MAF: variants seen among roughly 807,000 people sequenced by gnomAD.
The protein encoded by MAF is transcription factor Maf.
In MAF, 10 loss-of-function variants were observed where a neutral mutation model predicts 22.0. That is an observed-to-expected ratio of 0.45 (90% confidence interval 0.28 to 0.77). MAF has a LOEUF of 0.77. Ranked by LOEUF, MAF falls within the 30% of genes least tolerant of loss-of-function variation. The pLI, the probability that MAF is intolerant of heterozygous loss-of-function variation, is 0.12. For synonymous variants in MAF, 337 were observed against 255.8 expected, an observed-to-expected ratio of 1.32 and a Z score of -3.03; for missense variants, 544 against 548.4, an observed-to-expected ratio of 0.99 and a Z score of 0.08.
the MAF span, among the ~76,000 whole-genome samples, chr16:79,538,069 A>G: frequency 6.6e-6 from 1 of 152,236 alleles, no homozygotes; most frequent in Admixed American, 6.5e-5. Context: ...TACATACTGC[A>G]CCAAGAAAGA....
chr16:79,472,019 C>T, the MAF span, among the ~76,000 whole-genome samples: 1 of 152,144 alleles, frequency 6.6e-6, no homozygotes, highest in African/African-American at 2.4e-5. Flanking sequence ...TTCCTTGCTT[C>T]TCCCCTAATG....
At chr16:79,543,786 A>T in the MAF span, among the ~76,000 whole-genome samples, 1 of 149,814 alleles carries the variant, frequency 6.7e-6, no homozygotes, top group Admixed American at 6.7e-5. Context: ...TCCGGGGTTC[A>T]CGGCATTCTC....
the MAF span, among the ~76,000 whole-genome samples, chr16:79,558,105 A>T: frequency 6.6e-6 from 1 of 150,838 alleles, no homozygotes; most frequent in Non-Finnish European, 1.5e-5. Flanking sequence ...ACAGGAGACC[A>T]TCACAGCTGA....
chr16:79,574,598 A>C, the MAF span, among the ~76,000 whole-genome samples: 44,605 of 151,946 alleles, frequency 0.29, 7,003 homozygotes, highest in Non-Finnish European at 0.36. Context: ...ACCATAGCTC[A>C]ATTGACCCAT....
the MAF span, among the ~76,000 whole-genome samples, chr16:79,418,786 TTATCTCA>T: frequency 6.6e-6 from 1 of 152,204 alleles, no homozygotes; most frequent in Non-Finnish European, 1.5e-5. Context: ...CAATTTTTCA[TTATCTCA>T]TATCAGGAGC....
chr16:79,578,739 G>A, the MAF span, among the ~76,000 whole-genome samples: 28 of 152,066 alleles, frequency 1.8e-4, no homozygotes, highest in South Asian at 2.1e-4. Context: ...GCTATTAATC[G>A]CAAATTACTT....
At chr16:79,436,462 C>T in the MAF span, among the ~76,000 whole-genome samples, 15 of 152,294 alleles carry the variant, frequency 9.8e-5, no homozygotes, top group African/African-American at 2.9e-4. Flanking sequence ...TGTGCGTTAA[C>T]GCTTCTCAAA....
At chr16:79,560,335 G>C in the MAF span, among the ~76,000 whole-genome samples, 1 of 151,972 alleles carries the variant, frequency 6.6e-6, no homozygotes, top group African/African-American at 2.4e-5. Context: ...CAGGAAGCCT[G>C]TGTAAGCCTC....
At chr16:79,440,164 A>G in the MAF span, among the ~76,000 whole-genome samples, 5 of 152,188 alleles carry the variant, frequency 3.3e-5, no homozygotes, top group Non-Finnish European at 5.9e-5. Context: ...GAAGCAATAG[A>G]TGGTGTGTTT....
downstream of MAF, among the ~76,000 whole-genome samples, chr16:79,583,356 G>T (rs1176148973): frequency 6.6e-6 from 1 of 152,170 alleles, no homozygotes; most frequent in Non-Finnish European, 1.5e-5. Flanking sequence ...TCTGCCGATT[G>T]TAAGACTAGA....
At chr16:79,229,966 G>C in the MAF span, among the ~76,000 whole-genome samples, 3 of 151,614 alleles carry the variant, frequency 2.0e-5, no homozygotes, top group Non-Finnish European at 4.4e-5. Context: ...CTAATCAAAA[G>C]GGACTCTTAT....
At chr16:79,453,862 T>C in the MAF span, among the ~76,000 whole-genome samples, 194 of 152,286 alleles carry the variant, frequency 1.3e-3, 1 homozygote, top group African/African-American at 4.5e-3. Flanking sequence ...AAGATGTGGA[T>C]TAAACACACT....
chr16:79,252,473 C>T, the MAF span, among the ~76,000 whole-genome samples: 4 of 152,024 alleles, frequency 2.6e-5, no homozygotes, highest in Non-Finnish European at 4.4e-5. Context: ...TAAAGATTGT[C>T]AGGAGCCTGG....
the MAF span, among the ~76,000 whole-genome samples, chr16:79,291,106 T>TGCTTGTGGAAGCCCC: frequency 5.9e-5 from 9 of 152,306 alleles, no homozygotes; most frequent in African/African-American, 1.9e-4. Context: ...ACAGAAGCCC[T>TGCTTGTGGAAGCCCC]GCTTGTGGAA....
the MAF span, among the ~76,000 whole-genome samples, chr16:79,457,298 C>G: frequency 0.17 from 26,407 of 151,774 alleles, 2,555 homozygotes; most frequent in South Asian, 0.26. Context: ...TTGCACCATA[C>G]TTTGACATGG....
chr16:79,314,422 G>C, the MAF span, among the ~76,000 whole-genome samples: 2 of 152,146 alleles, frequency 1.3e-5, no homozygotes, highest in Non-Finnish European at 2.9e-5. Flanking sequence ...CTGGGTCTGC[G>C]ATGGGTTGCA....
Position 79,599,840 on chromosome 16 carries a change from A to G in MAF, c.63T>C (p.Tyr21=), listed in dbSNP as rs1200498554. ...DLPTSPLAME[Y]VNDFDLMKFE... is the part of the protein sequence containing the mutation. Reference sequence around the variant, plus strand: ...ACTTCATCAGATCGAAGTCATTAACATATTCCATGGCCAGGGGACTGGTGG... The same window carrying G: ...ACTTCATCAGATCGAAGTCATTAACGTATTCCATGGCCAGGGGACTGGTGG... Residue 21 remains tyrosine, a synonymous_variant, in exon 1 of 2, where the codon TAT becomes TAC. Coordinates refer to ENST00000326043, the MANE Select transcript of MAF (RefSeq NM_005360.5). The G allele has an allele frequency of 1.2e-6, 2 of 1,611,544 alleles. No individual in the cohort carries two copies. The highest frequency in any genetic ancestry group is 1.1e-5 in the South Asian group (1 of 91,074).
At chr16:79,598,581 G>GGTGGGGT (rs1913726924) in intron 1 of MAF, 1 of 1,309,488 alleles carries the variant, frequency 7.6e-7, no homozygotes, top group African/African-American at 1.6e-5. Flanking sequence ...CAGGGTGTGG[G>GGTGGGGT]GTGTGTGTGT....
At chr16:79,344,995 T>A in the MAF span, among the ~76,000 whole-genome samples, 1 of 152,208 alleles carries the variant, frequency 6.6e-6, no homozygotes, top group Non-Finnish European at 1.5e-5. Context: ...CAGGGCAAGT[T>A]ACTTTGCTTC....
Sources: allele counts gnomAD v4.1 joint callset (sites outside exome capture counted in the v4.1 genomes callset), GRCh38; gene constraint gnomAD v4.1.1; transcripts MANE v1.5; gene names NCBI Gene and HGNC (gene_info 2026-07-23, HGNC 2026-07-21).